Variants in MACROD2 observed in about 807,000 individuals in gnomAD.
MACROD2 encodes the protein mono-ADP ribosylhydrolase 2, also known as ADP-ribose glycohydrolase MACROD2.
MACROD2 carries 36 observed loss-of-function variants against 70.4 expected under a neutral mutation model. The ratio of observed to expected loss-of-function variants is 0.51; its 90% CI spans 0.39 to 0.68. The LOEUF (loss-of-function observed/expected upper bound fraction) is 0.68. Ranked by LOEUF, MACROD2 falls within the 30% of genes least tolerant of loss-of-function variation. The pLI is 0.00. For missense variants in MACROD2, 496 were observed against 538.4 expected, an observed-to-expected ratio of 0.92 and a Z score of 0.78; for synonymous variants, 172 against 178.8, an observed-to-expected ratio of 0.96 and a Z score of 0.30.
chr20:15,661,075 T>C (rs917646711), intron 8 of MACROD2, among the ~76,000 whole-genome samples: 2 of 152,180 alleles, frequency 1.3e-5, no homozygotes, highest in African/African-American at 4.8e-5. Context: ...CTCACTGTTT[T>C]CAAGGGTTTA....
intron 8 of MACROD2, among the ~76,000 whole-genome samples, chr20:15,719,971 G>A (rs2050765050): frequency 6.6e-6 from 1 of 151,898 alleles, no homozygotes; most frequent in African/African-American, 2.4e-5. Context: ...ACCCTCCCCA[G>A]TCTTTGGTAA....
In MACROD2 at chr20:14,846,293, G is replaced by A. The variant is rs958686063; in HGVS notation, c.418+161334G>A. Among the ~76,000 whole-genome samples, 4 of 151,646 alleles carry A rather than the reference G, an allele frequency of 2.6e-5. No individual in the cohort carries two copies. In the South Asian group the frequency reaches 6.3e-4, roughly 24 times the overall value. ...TGGGCTGGAGTGCAGTGACGATCTCGGCTCACTGCAACCTCCACCTCCTGC... is the reference window on the plus strand; with the variant it reads ...TGGGCTGGAGTGCAGTGACGATCTCAGCTCACTGCAACCTCCACCTCCTGC... On this transcript the variant is annotated intron_variant, in intron 5 of 17. Transcript: ENST00000684519.
chr20:15,679,650 C>T (rs191762768), intron 8 of MACROD2, among the ~76,000 whole-genome samples: 23 of 152,298 alleles, frequency 1.5e-4, no homozygotes, highest in Admixed American at 1.3e-3. Flanking sequence ...ATCTACCCTG[C>T]TGCAACAGAC....
intron 5 of MACROD2, among the ~76,000 whole-genome samples, chr20:15,035,882 C>CA (rs1568542562): frequency 6.6e-6 from 1 of 151,408 alleles, no homozygotes; most frequent in Non-Finnish European, 1.5e-5. Context: ...CCTGCTCCCC[C>CA]TTTTTTTTTC....
intron 4 of MACROD2, among the ~76,000 whole-genome samples, chr20:14,552,665 C>T (rs1013678598): frequency 6.6e-6 from 1 of 152,040 alleles, no homozygotes; most frequent in Non-Finnish European, 1.5e-5. Flanking sequence ...TATGGTATAG[C>T]CTGCTGCTCC....
intron 4 of MACROD2, among the ~76,000 whole-genome samples, chr20:14,521,970 A>G (rs1393305322): frequency 6.6e-6 from 1 of 152,166 alleles, no homozygotes; most frequent in Non-Finnish European, 1.5e-5. Flanking sequence ...CTCCCCACCA[A>G]TGCAGACAGG....
chr20:15,266,132 T>C (rs1054976169), intron 6 of MACROD2, among the ~76,000 whole-genome samples: 11 of 152,218 alleles, frequency 7.2e-5, no homozygotes, highest in Non-Finnish European at 1.3e-4. Flanking sequence ...TTGGAGAATG[T>C]GGATCACTTT....
intron 4 of MACROD2, among the ~76,000 whole-genome samples, chr20:14,574,733 C>T (rs2423827): frequency 0.64 from 96,839 of 150,852 alleles, 32,662 homozygotes; most frequent in East Asian, 0.93. Flanking sequence ...TATTCACGGC[C>T]GGGCGCGGTG....
intron 5 of MACROD2, among the ~76,000 whole-genome samples, chr20:14,886,624 C>T (rs1453395235): frequency 6.6e-6 from 1 of 152,126 alleles, no homozygotes; most frequent in Non-Finnish European, 1.5e-5. Context: ...AGGACTCTGT[C>T]CAACTTGTTA....
chr20:15,228,735 A>G lies in MACROD2; in HGVS notation c.419-1205A>G, dbSNP rs1601261515. 2.6e-5 allele frequency among the ~76,000 whole-genome samples: 4 copies of G among 151,688 alleles called. No homozygotes were observed. The East Asian group carries it at 7.8e-4, about 29-fold the overall frequency. On this transcript the variant is annotated intron_variant, in intron 5 of 17. Transcript: ENST00000684519. ...GATTTCCTAACCTCATGATCCGCCC[A>G]CCTCAGCCTCCCAAAGTGCTGGGAT...
At chr20:15,385,102 T>G (rs1255288289) in intron 6 of MACROD2, among the ~76,000 whole-genome samples, 1 of 152,028 alleles carries the variant, frequency 6.6e-6, no homozygotes, top group African/African-American at 2.4e-5. Flanking sequence ...TGAGGTAGAG[T>G]CTTTCCAAAT....
At chr20:15,170,612 G>C (rs917352134) in intron 5 of MACROD2, among the ~76,000 whole-genome samples, 1 of 152,124 alleles carries the variant, frequency 6.6e-6, no homozygotes, top group African/African-American at 2.4e-5. Context: ...AAGAGAGCAA[G>C]GGCAGCTGCA....
At chr20:15,381,090 T>G (rs1424613037) in intron 6 of MACROD2, among the ~76,000 whole-genome samples, 1 of 152,166 alleles carries the variant, frequency 6.6e-6, no homozygotes, top group Non-Finnish European at 1.5e-5. Context: ...AAGAATTAAT[T>G]AACTATGTGG....
chr20:14,242,705 T>TA (rs2081939482), intron 3 of MACROD2, among the ~76,000 whole-genome samples: 1 of 152,190 alleles, frequency 6.6e-6, no homozygotes, highest in Non-Finnish European at 1.5e-5. Context: ...CATGTACTGC[T>TA]AACTTAAATT....
At chr20:14,674,359 A>G (rs2070832900) in intron 4 of MACROD2, among the ~76,000 whole-genome samples, 1 of 152,140 alleles carries the variant, frequency 6.6e-6, no homozygotes, top group Non-Finnish European at 1.5e-5. Context: ...ATCCTAATGA[A>G]TTCTTCCTTT....
intron 4 of MACROD2, among the ~76,000 whole-genome samples, chr20:14,605,003 C>G (rs1982714909): frequency 6.6e-6 from 1 of 152,156 alleles, no homozygotes; most frequent in South Asian, 2.1e-4. Context: ...GCATAATGCT[C>G]TATACAGTTT....
In MACROD2 at chr20:14,037,818, A is replaced by C. The variant is rs6135044; in HGVS notation, c.163+35414A>C. On this transcript the variant is annotated intron_variant, in intron 2 of 17. Transcript: ENST00000684519. ...TGGATGGTTTGAGCCCAGAATTTCC[A>C]CACCAGCCTGTGCAATGTGGTCTCT... 4.6e-4 allele frequency among the ~76,000 whole-genome samples: 69 copies of C among 151,328 alleles called. 1 individual carries two copies. The East Asian group carries it at 0.012, about 27-fold the overall frequency.
At position 15,667,283 on chromosome 20, in the gene MACROD2, G is replaced by A. The variant is rs989035919; in HGVS notation, c.645+167436G>A. 1.6e-4 allele frequency among the ~76,000 whole-genome samples: 24 copies of A among 152,144 alleles called. 1 individual carries two copies. Among genetic ancestry groups the A allele is most frequent in the East Asian group, 5.8e-4 (3 of 5,166 alleles). On this transcript the variant is annotated intron_variant, in intron 8 of 17. Coordinates refer to ENST00000684519, the MANE Select transcript of MACROD2 (RefSeq NM_001351661.2). ...CCTGCTTTCTCCATATGATGTGCAC[G>A]CTCCCGCTTCACCTTCCGCTGTGAG...
Position 16,052,415 on chromosome 20 carries a change from C to T in MACROD2, c.*2539C>T, listed in dbSNP as rs41309829. 0.12 allele frequency: 19,010 copies of T among 152,182 alleles called. 1,270 individuals carry two copies. The highest frequency in any genetic ancestry group is 0.14 in the African/African-American group (6,008 of 41,506). The allele number at this position is 152,182 out of a possible 1,614,324, so 9.4% of individuals were successfully genotyped here. ...TGGATGTCAATTTCCAACCAAACTC[C>T]AATACAGCTATGTGGCATGAAGAGT... On this transcript the variant is annotated 3_prime_UTR_variant, in exon 18 of 18. Coordinates refer to ENST00000684519, the MANE Select transcript of MACROD2 (RefSeq NM_001351661.2).
Sources: gnomAD v4.1 joint callset for allele counts (sites outside exome capture counted in the v4.1 genomes callset) on GRCh38, gnomAD v4.1.1 for gene constraint, MANE v1.5 for transcripts, NCBI Gene and HGNC (gene_info 2026-07-23, HGNC 2026-07-21) for gene names.